EPHA6: variants seen among roughly 807,000 people sequenced by gnomAD.
The protein encoded by EPHA6 is ephrin type-A receptor 6.
A neutral mutation model predicts 112.0 loss-of-function variants in EPHA6; 50 were observed. The observed-to-expected ratio is 0.45, with a 90% CI of 0.36 to 0.56. The LOEUF is 0.56. Among genes scored for constraint, EPHA6 ranks in the 20% least tolerant of loss-of-function variants. The probability of loss-of-function intolerance (pLI) is 0.00; values close to 1 mark genes in which losing one functional copy is unlikely to be tolerated. For synonymous variants in EPHA6, 529 were observed against 490.7 expected (o/e 1.08, Z -1.03); for missense variants, 1,280 against 1,417.4 (o/e 0.90, Z 1.56).
chr3:97,744,899 C>T (rs532369718), intron 16 of EPHA6, among the ~76,000 whole-genome samples: 5 of 151,964 alleles, frequency 3.3e-5, no homozygotes, highest in Non-Finnish European at 7.4e-5. Flanking sequence ...TCAGTTTTAA[C>T]GAACTACTTT....
intron 3 of EPHA6, among the ~76,000 whole-genome samples, chr3:97,069,752 A>G (rs2046295979): frequency 1.3e-5 from 2 of 152,152 alleles, no homozygotes; most frequent in Admixed American, 1.3e-4. Flanking sequence ...TTTAATAAAT[A>G]TGCTTATATT....
At chr3:97,689,937 T>C (rs192429110) in intron 14 of EPHA6, among the ~76,000 whole-genome samples, 1 of 152,382 alleles carries the variant, frequency 6.6e-6, no homozygotes, top group East Asian at 1.9e-4. Flanking sequence ...TCAAAGTTTG[T>C]CTGTATTGTA....
rs373632273 is a variant in EPHA6, at chr3:97,435,415, C to T, written c.1732-13153C>T. ...GTAAAAAATAGTTAATTCATAAAAG[C>T]AAATCAAAAGGTGAGAGAAAAAATA... On this transcript the variant is annotated intron_variant, in intron 6 of 17. Coordinates refer to ENST00000389672, the MANE Select transcript of EPHA6 (RefSeq NM_001080448.3). Among the ~76,000 whole-genome samples the T allele has an allele frequency of 3.3e-3, 495 of 151,836 alleles. 3 individuals are homozygous for T. Among genetic ancestry groups the T allele is most frequent in the African/African-American group, 0.011 (465 of 41,410 alleles).
chr3:97,519,522 A>G (rs555500873), intron 10 of EPHA6, among the ~76,000 whole-genome samples: 1 of 152,248 alleles, frequency 6.6e-6, no homozygotes, highest in African/African-American at 2.4e-5. Flanking sequence ...TCTGTGGCAA[A>G]TTACATTTTG....
chr3:96,855,172 T>G (rs1300957286), intron 1 of EPHA6, among the ~76,000 whole-genome samples: 1 of 152,184 alleles, frequency 6.6e-6, no homozygotes, highest in Admixed American at 6.5e-5. Flanking sequence ...TCTCTTCTAC[T>G]TTTAAGGACC....
chr3:96,995,734 C>T (rs1682743625), intron 3 of EPHA6, among the ~76,000 whole-genome samples: 1 of 152,080 alleles, frequency 6.6e-6, no homozygotes, highest in Non-Finnish European at 1.5e-5. Context: ...AAACAATGTA[C>T]ATGCTTAATT....
At chr3:97,017,570 T>G (rs1298461908) in intron 3 of EPHA6, among the ~76,000 whole-genome samples, 1 of 152,208 alleles carries the variant, frequency 6.6e-6, no homozygotes, top group Non-Finnish European at 1.5e-5. Flanking sequence ...AATCTAGGGC[T>G]GAACTGGACT....
chr3:96,917,799 A>G (rs2039563424), intron 2 of EPHA6, among the ~76,000 whole-genome samples: 1 of 152,160 alleles, frequency 6.6e-6, no homozygotes, highest in South Asian at 2.1e-4. Flanking sequence ...TAAAAATGAC[A>G]GCCTCCCCGG....
chr3:97,425,967 C>G (rs2089086346), intron 6 of EPHA6, among the ~76,000 whole-genome samples: 1 of 152,150 alleles, frequency 6.6e-6, no homozygotes, highest in South Asian at 2.1e-4. Flanking sequence ...CCACTTCAGC[C>G]TGGACTTTAT....
intron 3 of EPHA6, among the ~76,000 whole-genome samples, chr3:96,995,722 A>G (rs1297639725): frequency 6.6e-6 from 1 of 152,152 alleles, no homozygotes; most frequent in East Asian, 1.9e-4. Flanking sequence ...CATTGTATCT[A>G]AAAACAATGT....
At chr3:97,361,378 G>A (rs534397034) in intron 5 of EPHA6, among the ~76,000 whole-genome samples, 1 of 152,300 alleles carries the variant, frequency 6.6e-6, no homozygotes, top group Non-Finnish European at 1.5e-5. Context: ...GTGCTGTGCA[G>A]GATGCCAGGT....
At chr3:97,656,016 T>C (rs893407850) in intron 14 of EPHA6, among the ~76,000 whole-genome samples, 1 of 151,974 alleles carries the variant, frequency 6.6e-6, no homozygotes, top group African/African-American at 2.4e-5. Context: ...CAAATTATTC[T>C]ACAGTGAGTA....
chr3:97,365,613 C>A (rs558996645), intron 5 of EPHA6, among the ~76,000 whole-genome samples: 3 of 152,258 alleles, frequency 2.0e-5, no homozygotes, highest in Admixed American at 1.3e-4. Context: ...TGGTCTCGAT[C>A]TCCTGACCTC....
intron 14 of EPHA6, among the ~76,000 whole-genome samples, chr3:97,641,408 G>C (rs1188626177): frequency 2.0e-5 from 3 of 152,192 alleles, no homozygotes; most frequent in Non-Finnish European, 2.9e-5. Flanking sequence ...AGGAAGAATG[G>C]TCATTTATAT....
chr3:97,759,733 A>G lies in EPHA6; in HGVS notation c.*11032A>G, dbSNP rs980495445. On this transcript the variant is annotated 3_prime_UTR_variant, in exon 18 of 18. Transcript: ENST00000389672. ...TTTTTTTTTAATTTTACCAAGAATGAGATAAAAGCCAATATGCAGGATGGG... is the reference window on the plus strand; with the variant it reads ...TTTTTTTTTAATTTTACCAAGAATGGGATAAAAGCCAATATGCAGGATGGG... 1.3e-5 allele frequency: 3 copies of G among 228,010 alleles called. No homozygotes were observed. Among genetic ancestry groups the G allele is most frequent in the African/African-American group, 2.2e-5 (1 of 45,082 alleles). 14.1% of individuals were successfully genotyped at this position (228,010 alleles called of 1,614,324 possible). A position where few individuals can be genotyped will look rare whatever the true frequency, so the allele number is the denominator to read the frequency against.
At chr3:96,883,108 A>T (rs2037420928) in intron 2 of EPHA6, among the ~76,000 whole-genome samples, 1 of 151,988 alleles carries the variant, frequency 6.6e-6, no homozygotes, top group Admixed American at 6.6e-5. Context: ...TGATTTTTTG[A>T]TTATGACCAT....
chr3:97,182,002 T>C (rs942451887), intron 3 of EPHA6, among the ~76,000 whole-genome samples: 4 of 151,994 alleles, frequency 2.6e-5, no homozygotes, highest in African/African-American at 7.2e-5. Context: ...TAATTTAAAC[T>C]TGGAATGGAG....
chr3:97,506,237 T>A (rs2092249492), intron 10 of EPHA6, among the ~76,000 whole-genome samples: 1 of 152,222 alleles, frequency 6.6e-6, no homozygotes, highest in Admixed American at 6.5e-5. Flanking sequence ...TTTTGGTGTT[T>A]TCGTCATGAA....
chr3:97,077,373 A>G (rs1055025928), intron 3 of EPHA6, among the ~76,000 whole-genome samples: 9 of 152,070 alleles, frequency 5.9e-5, no homozygotes, highest in Non-Finnish European at 1.3e-4. Context: ...GCTTGAAGGT[A>G]TAACGGAACA....
Sources: gnomAD v4.1 joint callset for allele counts (sites outside exome capture counted in the v4.1 genomes callset) on GRCh38, gnomAD v4.1.1 for gene constraint, MANE v1.5 for transcripts, NCBI Gene and HGNC (gene_info 2026-07-23, HGNC 2026-07-21) for gene names.